Variants in WASHC5 observed in about 807,000 individuals in gnomAD.
WASHC5 encodes WASH complex subunit 5.
A neutral mutation model predicts 150.4 loss-of-function variants in WASHC5; 101 were observed. That is an observed-to-expected ratio of 0.67 (90% CI 0.57 to 0.79). The LOEUF (loss-of-function observed/expected upper bound fraction) is 0.79, where lower values mean the gene tolerates loss of function less well. Ranked by LOEUF, WASHC5 falls within the 30% of genes least tolerant of loss-of-function variation. The probability of loss-of-function intolerance (pLI) is 0.00; values close to 1 mark genes in which losing one functional copy is unlikely to be tolerated. For synonymous variants in WASHC5, 467 were observed against 491.2 expected, an observed-to-expected ratio of 0.95 and a Z score of 0.65; for missense variants, 1,195 against 1,396.3, an observed-to-expected ratio of 0.86 and a Z score of 2.30.
At position 125,032,233 on chromosome 8, in the gene WASHC5, T is replaced by C. The variant is rs768017454; in HGVS notation, c.3335+8A>G. 4.3e-6 allele frequency: 7 copies of C among 1,614,042 alleles called. No homozygotes were observed. In the African/African-American group the frequency reaches 5.3e-5, roughly 12 times the overall value. On this transcript the variant is annotated splice_region_variant and intron_variant, in intron 27 of 28. Coordinates refer to ENST00000318410, the MANE Select transcript of WASHC5 (RefSeq NM_014846.4). ...AAGTCCCACGTAGTCCTGGTTGGTC[T>C]TCTGTACCTTGTACACTGCTCCACC...
intron 15 of WASHC5, 49 bp from the exon 16 acceptor site, chr8:125,056,866 T>C: frequency 6.2e-7 from 1 of 1,612,484 alleles, no homozygotes; most frequent in Non-Finnish European, 8.5e-7. Context: ...TGTTTTACTT[T>C]TCTTGGCTGA....
intron 20 of WASHC5, among the ~76,000 whole-genome samples, chr8:125,046,053 C>A (rs77903616): frequency 6.6e-6 from 1 of 152,172 alleles, no homozygotes; most frequent in Non-Finnish European, 1.5e-5. Flanking sequence ...TCACAAGTTT[C>A]GAAGGACAAA....
chr8:125,077,463 T>C (rs1157367091), intron 6 of WASHC5, among the ~76,000 whole-genome samples: 2 of 152,190 alleles, frequency 1.3e-5, no homozygotes, highest in African/African-American at 4.8e-5. Flanking sequence ...ATCTGTTCCA[T>C]CACCCATGAC....
chr8:125,056,225 GA>G (rs1175361528), intron 16 of WASHC5, among the ~76,000 whole-genome samples: 1 of 152,108 alleles, frequency 6.6e-6, no homozygotes, highest in African/African-American at 2.4e-5. Context: ...AGCTCAGGGA[GA>G]AAAAAACCAG....
intron 1 of WASHC5, among the ~76,000 whole-genome samples, chr8:125,088,424 C>CAA (rs35452643): frequency 1.7e-4 from 13 of 76,958 alleles, no homozygotes; most frequent in Non-Finnish European, 2.0e-4. Flanking sequence ...GACTTCATCT[C>CAA]AAAAAAAAAA....
chr8:125,047,058 G>A lies in WASHC5; in HGVS notation c.2504+149C>T, dbSNP rs1407717716. On this transcript the variant is annotated intron_variant, in intron 20 of 28. Coordinates refer to ENST00000318410, the MANE Select transcript of WASHC5 (RefSeq NM_014846.4). The stretch of plus-strand genomic sequence containing the variant: ...AGACCGGTATCAGTCTGCAGCGCAG[G>A]GGTTAGGGACCCTTGCCCTAAAGGG... 47 of 907,760 alleles carry A rather than the reference G, an allele frequency of 5.2e-5. No homozygotes were observed. In the Admixed American group the frequency reaches 9.0e-4, roughly 17 times the overall value. The allele number at this position is 907,760 out of a possible 1,614,324, so 56.2% of individuals were successfully genotyped here. A position where few individuals can be genotyped will look rare whatever the true frequency, so the allele number is the denominator to read the frequency against.
At chr8:125,037,125 A>G (rs1815732466) in intron 26 of WASHC5, 112 bp downstream of exon 26, 2 of 713,224 alleles carry the variant, frequency 2.8e-6, no homozygotes, top group Admixed American at 4.4e-5. Flanking sequence ...ACATAAATTT[A>G]ACTAAGAAAA....
In WASHC5 at chr8:125,055,663, C is replaced by T. The variant is rs769221945; in HGVS notation, c.2025G>A (p.Lys675=). 21 of 1,603,134 alleles carry T rather than the reference C, an allele frequency of 1.3e-5. No homozygotes were observed. Among genetic ancestry groups the T allele is most frequent in the Admixed American group, 6.7e-5 (4 of 59,996 alleles). Residue 675 remains lysine (K), a synonymous_variant, in exon 17 of 29, where the codon AAG becomes AAA. Transcript: ENST00000318410. The part of the protein sequence containing the change: ...AQLGPRYEVA[K]LTHAISIFTE... ...TAAAAATGGAAATAGCATGAGTAAG[C>T]TTGGCAACCTATAACAAAGAAAAAG...
rs757875835 is a variant in WASHC5, at chr8:125,044,019, C to A, written c.2743G>T (p.Ala915Ser). The A allele has an allele frequency of 6.2e-7, 1 of 1,613,520 alleles. No homozygotes were observed. The highest frequency in any genetic ancestry group is 8.5e-7 in the Non-Finnish European group (1 of 1,179,446). Reference sequence around the variant, plus strand: ...ACAATACTTTTTAGGGGACTGACAGCATTCATGAGGGTTTTTAAAGTGTCC... The same window carrying A: ...ACAATACTTTTTAGGGGACTGACAGAATTCATGAGGGTTTTTAAAGTGTCC... ...VQDTLKTLMN[A>S]VSPLKSIVAN... is the part of the protein sequence containing the mutation. The change falls in exon 22 of 29, where the codon GCT becomes TCT. Residue 915 changes from alanine (A) to serine (S), a missense_variant. By Grantham distance (99) the Ala-to-Ser change is moderately conservative. This residue lies in a region of WASHC5 where 997 missense variants were observed against 1,168.1 expected (regional missense o/e 0.85). Coordinates refer to ENST00000318410, the MANE Select transcript of WASHC5 (RefSeq NM_014846.4).
intron 27 of WASHC5, among the ~76,000 whole-genome samples, chr8:125,031,785 T>C (rs1444403925): frequency 6.6e-6 from 1 of 152,194 alleles, no homozygotes; most frequent in African/African-American, 2.4e-5. Flanking sequence ...TTGTATCAAA[T>C]AGCAACTCTT....
chr8:125,062,663 G>T (rs1191156723), intron 11 of WASHC5, among the ~76,000 whole-genome samples: 1 of 152,004 alleles, frequency 6.6e-6, no homozygotes, highest in Non-Finnish European at 1.5e-5. Context: ...CAACCACTCA[G>T]CATCAAAGAA....
chr8:125,039,948 G>T (rs763553443), intron 23 of WASHC5, 50 bp from the exon 24 acceptor site: 2 of 1,211,310 alleles, frequency 1.7e-6, no homozygotes, highest in Non-Finnish European at 2.4e-6. Flanking sequence ...GCATTTCAGA[G>T]TGACAGTGAG....
intron 20 of WASHC5, among the ~76,000 whole-genome samples, chr8:125,045,787 G>A (rs1170635218): frequency 1.1e-4 from 16 of 152,210 alleles, no homozygotes; most frequent in Admixed American, 1.0e-3. Context: ...ACTCTGATGT[G>A]TCACTGGGGA....
In WASHC5 at chr8:125,044,679, G is replaced by T; in HGVS notation, c.2524C>A (p.Gln842Lys). Residue 842 changes from glutamine to lysine, a missense_variant, in exon 21 of 29, where the codon CAG (glutamine) becomes AAG (lysine). Around this residue, in one of 3 missense-constraint regions of WASHC5, gnomAD observed 997 missense variants for 1,168.1 expected, o/e 0.85. Coordinates refer to ENST00000318410, the MANE Select transcript of WASHC5 (RefSeq NM_014846.4). ...TDPKMTCHID[Q>K]LNTWYDMKTH... ...TTCATATCATACCAAGTGTTCAGCT[G>T]GTCTATGTGACATGTCATTCTAAAA... 1.2e-6 allele frequency: 2 copies of T among 1,614,032 alleles called. No homozygotes were observed. The highest frequency in any genetic ancestry group is 1.7e-6 in the Non-Finnish European group (2 of 1,179,946).
intron 10 of WASHC5, among the ~76,000 whole-genome samples, chr8:125,065,541 C>T (rs755831623): frequency 4.6e-5 from 7 of 151,796 alleles, no homozygotes; most frequent in Non-Finnish European, 1.0e-4. Flanking sequence ...TGCTGAACTA[C>T]ATATTATCTA....
At chr8:125,066,974 CT>C (rs1816758758) in intron 10 of WASHC5, among the ~76,000 whole-genome samples, 1 of 152,154 alleles carries the variant, frequency 6.6e-6, no homozygotes, top group Non-Finnish European at 1.5e-5. Flanking sequence ...CATTCCTTTC[CT>C]TCAGAGCAAA....
At chr8:125,085,154 A>T (rs1817384158) in intron 1 of WASHC5, among the ~76,000 whole-genome samples, 1 of 152,206 alleles carries the variant, frequency 6.6e-6, no homozygotes, top group Non-Finnish European at 1.5e-5. Flanking sequence ...TGAAGAAAAA[A>T]AATCAGAGAG....
chr8:125,045,906 G>C (rs2130029953), intron 20 of WASHC5, among the ~76,000 whole-genome samples: 1 of 152,268 alleles, frequency 6.6e-6, no homozygotes, highest in African/African-American at 2.4e-5. Context: ...TTCTAAAAAG[G>C]CTTCGGTGAT....
At chr8:125,043,928 C>T (rs1210306738) in intron 22 of WASHC5, 24 bp from the exon 23 acceptor site, 2 of 1,600,568 alleles carry the variant, frequency 1.2e-6, no homozygotes, top group Non-Finnish European at 1.7e-6. Context: ...ACATAATTTT[C>T]TCTTTAGTAC....
Sources: gnomAD v4.1 joint callset for allele counts (sites outside exome capture counted in the v4.1 genomes callset) on GRCh38, gnomAD v4.1.1 for gene constraint, gnomAD v4.1.1 regional missense constraint, MANE v1.5 for transcripts, NCBI Gene and HGNC (gene_info 2026-07-23, HGNC 2026-07-21) for gene names.